Variants in NRP2 observed in about 807,000 individuals in gnomAD.
The protein encoded by NRP2 is neuropilin 2, also known as neuropilin-2.
A neutral mutation model predicts 110.4 loss-of-function variants in NRP2; 52 were observed. The observed-to-expected ratio is 0.47, with a 90% confidence interval of 0.38 to 0.59. The LOEUF (loss-of-function observed/expected upper bound fraction) is 0.59. Among genes scored for constraint, NRP2 ranks in the 20% least tolerant of loss-of-function variants. The probability of loss-of-function intolerance (pLI) is 0.00; values close to 1 mark genes in which losing one functional copy is unlikely to be tolerated. For missense variants in NRP2, 1,049 were observed against 1,203.0 expected (o/e 0.87, Z 1.89); for synonymous variants, 508 against 468.9 (o/e 1.08, Z -1.08).
At chr2:205,724,847 A>G (rs1030171618) in intron 5 of NRP2, among the ~76,000 whole-genome samples, 5 of 151,860 alleles carry the variant, frequency 3.3e-5, no homozygotes, top group Non-Finnish European at 7.4e-5. Flanking sequence ...TTGTATTTTT[A>G]GCAGAGGTGG....
In NRP2 at chr2:205,766,869, G is replaced by C. The variant is rs529213863; in HGVS notation, c.2425+66G>C. On this transcript the variant is annotated intron_variant, in intron 15 of 16. Coordinates refer to ENST00000357785, the MANE Select transcript of NRP2 (RefSeq NM_003872.3). ...GCTTTTTCCTTCCCCCATGTGATGT[G>C]AATTTGATGGGGGGAATCAACCTCC... 8 of 1,407,292 alleles carry C rather than the reference G, an allele frequency of 5.7e-6. No homozygotes were observed. In the Admixed American group the frequency reaches 6.8e-5, roughly 12 times the overall value. The allele number at this position is 1,407,292 out of a possible 1,614,324, so 87.2% of individuals were successfully genotyped here.
intron 16 of NRP2, among the ~76,000 whole-genome samples, chr2:205,793,795 AGGGTT>A (rs2058326484): frequency 6.6e-6 from 1 of 152,142 alleles, no homozygotes; most frequent in Admixed American, 6.5e-5. Flanking sequence ...TAAGGTGGTG[AGGGTT>A]AGGACTTCAA....
chr2:205,794,735 T>A lies in NRP2; in HGVS notation c.2477-19T>A, dbSNP rs1559372676. Reference sequence around the variant, plus strand: ...CATAGGCAGTGCCTGCAATCTCTCATGAATTTTATGTATCGCAGATGAATA... The same window carrying A: ...CATAGGCAGTGCCTGCAATCTCTCAAGAATTTTATGTATCGCAGATGAATA... On this transcript the variant is annotated intron_variant, in intron 16 of 16. Coordinates refer to ENST00000357785, the MANE Select transcript of NRP2 (RefSeq NM_003872.3). The A allele has an allele frequency of 1.2e-6, 2 of 1,613,876 alleles. No homozygotes were observed. The highest frequency in any genetic ancestry group is 1.7e-6 in the Non-Finnish European group (2 of 1,179,800).
At chr2:205,767,002 C>G (rs2057933436) in intron 15 of NRP2, 199 bp downstream of exon 15, 1 of 620,662 alleles carries the variant, frequency 1.6e-6, no homozygotes, top group Non-Finnish European at 2.8e-6. Context: ...CTCACTGTCT[C>G]TTGTTTAATT....
At chr2:205,711,758 T>C (rs2056803365) in intron 2 of NRP2, among the ~76,000 whole-genome samples, 1 of 152,084 alleles carries the variant, frequency 6.6e-6, no homozygotes, top group Non-Finnish European at 1.5e-5. Context: ...GATACAGAAA[T>C]CCCCTTCCAA....
intron 8 of NRP2, 149 bp from the exon 9 acceptor site, chr2:205,743,054 C>T: frequency 1.4e-6 from 2 of 1,476,152 alleles, no homozygotes; most frequent in Non-Finnish European, 9.2e-7. Context: ...CTCTTAACCA[C>T]AGTGCTGTAC....
At chr2:205,773,630 C>T (rs1333904066) in intron 15 of NRP2, among the ~76,000 whole-genome samples, 1 of 152,206 alleles carries the variant, frequency 6.6e-6, no homozygotes, top group East Asian at 1.9e-4. Flanking sequence ...ACTAGGATTT[C>T]ACCTTCCTCC....
chr2:205,739,740 A>G (rs1279735152), intron 7 of NRP2, among the ~76,000 whole-genome samples: 2 of 143,542 alleles, frequency 1.4e-5, no homozygotes, highest in African/African-American at 5.2e-5. Context: ...TCCATATGGC[A>G]GTTATTGATC....
At chr2:205,748,985 A>G (rs146787926) in intron 10 of NRP2, among the ~76,000 whole-genome samples, 104 of 152,322 alleles carry the variant, frequency 6.8e-4, no homozygotes, top group African/African-American at 2.4e-3. Flanking sequence ...TTAGTATAAC[A>G]TTTTTAATAA....
chr2:205,794,830 G>C lies in NRP2; in HGVS notation c.2553G>C (p.Lys851Asn). ...GSGAPSTDKEKSWLYTLDPIL... is the reference protein window; with the variant it reads ...GSGAPSTDKENSWLYTLDPIL... ...GCGCCCCCTCGACCGACAAAGAAAA[G>C]AGCTGGCTGTACACCCTGGATCCCA... Residue 851 changes from lysine (K) to asparagine (N), a missense_variant, in exon 17 of 17, where the codon AAG (lysine) becomes AAC (asparagine). Coordinates refer to ENST00000357785, the MANE Select transcript of NRP2 (RefSeq NM_003872.3). The C allele has an allele frequency of 6.2e-7, 1 of 1,614,170 alleles. No homozygotes were observed. Among genetic ancestry groups the C allele is most frequent in the Non-Finnish European group, 8.5e-7 (1 of 1,180,034 alleles).
In NRP2 at chr2:205,795,377, T is replaced by TATC. The variant is rs891460344; in HGVS notation, c.*321_*322insCAT. The stretch of plus-strand genomic sequence containing the variant: ...TGTGAGTTTGTATTATTATTATTAT[T>TATC]ATTATTATTATTATATTTTATTTCT... On this transcript the variant is annotated 3_prime_UTR_variant, in exon 17 of 17. Transcript: ENST00000357785. 1 of 150,738 alleles carries TATC rather than the reference T, an allele frequency of 6.6e-6. No individual in the cohort carries two copies. The highest frequency in any genetic ancestry group is 2.4e-5 in the African/African-American group (1 of 41,114). The allele number at this position is 150,738 out of a possible 1,614,324, so 9.3% of individuals were successfully genotyped here.
At chr2:205,749,872 G>C (rs1286312788) in intron 11 of NRP2, 31 bp downstream of exon 11, 2 of 1,533,798 alleles carry the variant, frequency 1.3e-6, no homozygotes, top group Non-Finnish European at 9.0e-7. Context: ...GATGGCATGG[G>C]TGCGGACTAG....
intron 3 of NRP2, among the ~76,000 whole-genome samples, chr2:205,721,459 T>A (rs1216157300): frequency 6.6e-6 from 1 of 152,216 alleles, no homozygotes. Flanking sequence ...TCCATGGGTC[T>A]GGGTTGCAGT....
intron 1 of NRP2, among the ~76,000 whole-genome samples, chr2:205,684,904 T>G (rs1485336748): frequency 6.6e-6 from 1 of 152,128 alleles, no homozygotes; most frequent in African/African-American, 2.4e-5. Context: ...ATGCCCACAG[T>G]ATATTATGTA....
In NRP2 at chr2:205,696,693, T is replaced by C. The variant is rs560940199; in HGVS notation, c.74-851T>C. On this transcript the variant is annotated intron_variant, in intron 1 of 16. Transcript: ENST00000357785. ...GCAGGTACAGGGAGCCAGCCCTTCC[T>C]GCAAACGGCCAGTTATGGCTGGACA... Among the ~76,000 whole-genome samples the C allele has an allele frequency of 2.6e-5, 4 of 152,328 alleles. No individual in the cohort carries two copies. In the East Asian group the frequency reaches 7.7e-4, roughly 29 times the overall value.
intron 15 of NRP2, among the ~76,000 whole-genome samples, chr2:205,768,679 G>A (rs2057968312): frequency 6.6e-6 from 1 of 152,136 alleles, no homozygotes; most frequent in South Asian, 2.1e-4. Flanking sequence ...AATAAACACA[G>A]GGCTTAGTAA....
chr2:205,762,798 G>A (rs943963319), intron 12 of NRP2, among the ~76,000 whole-genome samples: 2 of 152,156 alleles, frequency 1.3e-5, no homozygotes, highest in African/African-American at 2.4e-5. Context: ...TGCAAGGCAC[G>A]TAGTCTGCCA....
chr2:205,734,218 C>T (rs1304340073), intron 7 of NRP2, among the ~76,000 whole-genome samples: 2 of 150,670 alleles, frequency 1.3e-5, no homozygotes, highest in Admixed American at 6.6e-5. Context: ...TACACGTGCA[C>T]ACACACACAC....
intron 7 of NRP2, among the ~76,000 whole-genome samples, chr2:205,728,935 C>G (rs897249890): frequency 6.6e-6 from 1 of 152,112 alleles, no homozygotes; most frequent in Non-Finnish European, 1.5e-5. Context: ...GCCTGTCCTT[C>G]CCTAAAAAGG....
Sources: gnomAD v4.1 joint callset for allele counts (sites outside exome capture counted in the v4.1 genomes callset) on GRCh38, gnomAD v4.1.1 for gene constraint, MANE v1.5 for transcripts, NCBI Gene and HGNC (gene_info 2026-07-23, HGNC 2026-07-21) for gene names.